The following GSE1 variants were observed in gnomAD, a reference collection of about 807,000 sequenced individuals.
GSE1 encodes the protein genetic suppressor element 1.
GSE1 carries 32 observed loss-of-function variants against 112.6 expected under a neutral mutation model. The observed-to-expected ratio is 0.28, with a 90% CI of 0.21 to 0.38. The LOEUF (loss-of-function observed/expected upper bound fraction) is 0.38, where lower values mean the gene tolerates loss of function less well. Ranked by LOEUF, GSE1 falls within the 10% of genes least tolerant of loss-of-function variation. The pLI, the probability that GSE1 is intolerant of heterozygous loss-of-function variation, is 1.00. For synonymous variants in GSE1, 1,115 were observed against 735.6 expected (o/e 1.52, Z -8.35); for missense variants, 2,348 against 1,699.2 (o/e 1.38, Z -6.71).
chr16:85,525,650 G>A (rs542687163), intron 2 of GSE1, among the ~76,000 whole-genome samples: 23 of 152,312 alleles, frequency 1.5e-4, no homozygotes, highest in African/African-American at 5.3e-4. Flanking sequence ...CGCCTTTAGG[G>A]GGCTCCATTT....
At chr16:85,642,953 T>G (rs2151829412) in intron 2 of GSE1, among the ~76,000 whole-genome samples, 1 of 152,280 alleles carries the variant, frequency 6.6e-6, no homozygotes, top group East Asian at 1.9e-4. Flanking sequence ...AGAGTGGTCC[T>G]GTGGCGTGGC....
intron 1 of GSE1, among the ~76,000 whole-genome samples, chr16:85,240,203 C>G (rs1905062788): frequency 6.6e-6 from 1 of 152,258 alleles, no homozygotes; most frequent in Admixed American, 6.5e-5. Context: ...GCCGTTGTCA[C>G]TGTTCTGATG....
At chr16:85,589,844 A>G (rs1194353037) in intron 1 of GSE1, among the ~76,000 whole-genome samples, 5 of 151,838 alleles carry the variant, frequency 3.3e-5, no homozygotes, top group Non-Finnish European at 5.9e-5. Context: ...GTGTGTGAAC[A>G]TGTGTGAGAT....
chr16:85,318,416 A>C (rs573082570), intron 1 of GSE1, among the ~76,000 whole-genome samples: 1 of 152,272 alleles, frequency 6.6e-6, no homozygotes, highest in African/African-American at 2.4e-5. Context: ...GGCATGCACC[A>C]CTATGCCTGG....
rs115913819 is a variant in GSE1, at chr16:85,366,827, G to T, written c.2464+9184G>T. Among the ~76,000 whole-genome samples, 128 of 152,374 alleles carry T rather than the reference G, an allele frequency of 8.4e-4. 1 individual carries two copies. Among genetic ancestry groups the T allele is most frequent in the African/African-American group, 2.8e-3 (117 of 41,584 alleles). ...GCAGATCTTTATAACTGGCAAAATTGCTGTTAAGAGGGTCTGTTTACCCTA... is the reference window on the plus strand; with the variant it reads ...GCAGATCTTTATAACTGGCAAAATTTCTGTTAAGAGGGTCTGTTTACCCTA... On this transcript the variant is annotated intron_variant, in intron 2 of 2. Coordinates refer to the GSE1 transcript ENST00000637419.
intron 1 of GSE1, among the ~76,000 whole-genome samples, chr16:85,197,853 C>T (rs767347639): frequency 5.9e-5 from 9 of 152,178 alleles, no homozygotes; most frequent in East Asian, 1.9e-4. Context: ...CGGGTAGCAC[C>T]GCCAGCCCAG....
chr16:85,571,419 C>T lies in GSE1; in HGVS notation c.37+15056C>T, dbSNP rs571939604. ...ATCTTGAGCCCCCAACAGCCACGTG[C>T]GGATGGAGGCTGCTCAGTCGGACAG... On this transcript the variant is annotated intron_variant, in intron 1 of 2. Transcript: ENST00000635906. Among the ~76,000 whole-genome samples the T allele has an allele frequency of 3.9e-5, 6 of 152,370 alleles. No homozygotes were observed. In the South Asian group the frequency reaches 1.0e-3, roughly 26 times the overall value.
At chr16:85,488,310 A>G (rs2050905788) in intron 2 of GSE1, among the ~76,000 whole-genome samples, 1 of 152,130 alleles carries the variant, frequency 6.6e-6, no homozygotes, top group African/African-American at 2.4e-5. Flanking sequence ...GCCTCCGTTT[A>G]TTAAGCTCCT....
At chr16:85,576,163 G>T (rs2046220946) in intron 1 of GSE1, among the ~76,000 whole-genome samples, 1 of 152,184 alleles carries the variant, frequency 6.6e-6, no homozygotes, top group South Asian at 2.1e-4. Flanking sequence ...TAACCCTGGA[G>T]CTAAGGTTGT....
At position 85,304,513 on chromosome 16, in the gene GSE1, G is replaced by A. The variant is rs572770895; in HGVS notation, c.2284-52950G>A. Among the ~76,000 whole-genome samples, 7 of 149,242 alleles carry A rather than the reference G, an allele frequency of 4.7e-5. No homozygotes were observed. In the South Asian group the frequency reaches 1.5e-3, roughly 31 times the overall value. Reference sequence around the variant, plus strand: ...GAGCTCAGGCTCTCCCATGCCAGGAGAAGCACCCAACGTGTAGCTTCAGAA... The same window carrying A: ...GAGCTCAGGCTCTCCCATGCCAGGAAAAGCACCCAACGTGTAGCTTCAGAA... On this transcript the variant is annotated intron_variant, in intron 1 of 2. Coordinates refer to the GSE1 transcript ENST00000637419.
At chr16:85,225,412 G>C (rs1234431847) in intron 1 of GSE1, among the ~76,000 whole-genome samples, 1 of 152,200 alleles carries the variant, frequency 6.6e-6, no homozygotes, top group African/African-American at 2.4e-5. Context: ...GGGAAGAGCA[G>C]GAGGCCAGCA....
chr16:85,510,658 C>T (rs2051711852), intron 2 of GSE1, among the ~76,000 whole-genome samples: 1 of 152,250 alleles, frequency 6.6e-6, no homozygotes, highest in Non-Finnish European at 1.5e-5. Context: ...GTGCACGTAG[C>T]TTTGGCCTTG....
intron 1 of GSE1, among the ~76,000 whole-genome samples, chr16:85,569,167 C>T (rs1351173663): frequency 5.9e-5 from 9 of 152,240 alleles, no homozygotes; most frequent in Admixed American, 2.0e-4. Flanking sequence ...ACACTCTAGC[C>T]TGCCCTTCTC....
At chr16:85,481,855 A>G (rs978885043) in intron 2 of GSE1, among the ~76,000 whole-genome samples, 14 of 152,194 alleles carry the variant, frequency 9.2e-5, no homozygotes, top group African/African-American at 3.4e-4. Flanking sequence ...GATGTACCTA[A>G]AAGGTCACAC....
chr16:85,630,083 A>G (rs566784422), intron 1 of GSE1, among the ~76,000 whole-genome samples: 16 of 152,314 alleles, frequency 1.1e-4, no homozygotes, highest in African/African-American at 3.8e-4. Context: ...GTGGCTTCTC[A>G]CATGGCTGTT....
chr16:85,654,491 G>T (rs781764310), intron 4 of GSE1, 41 bp downstream of exon 4: 4 of 1,511,272 alleles, frequency 2.6e-6, no homozygotes, highest in East Asian at 4.5e-5. Flanking sequence ...TGGCCAGGTG[G>T]GGACACAGTG....
At chr16:85,488,525 A>G (rs1306068464) in intron 2 of GSE1, among the ~76,000 whole-genome samples, 3 of 151,854 alleles carry the variant, frequency 2.0e-5, no homozygotes, top group African/African-American at 7.3e-5. Flanking sequence ...TGTTCCTGCC[A>G]GGTACTGAAC....
At chr16:85,510,896 C>T (rs974900353) in intron 2 of GSE1, among the ~76,000 whole-genome samples, 1 of 152,216 alleles carries the variant, frequency 6.6e-6, no homozygotes, top group Non-Finnish European at 1.5e-5. Flanking sequence ...CTCATGCTCC[C>T]GGCTCCTCCT....
intron 2 of GSE1, among the ~76,000 whole-genome samples, chr16:85,529,527 C>G (rs1469975353): frequency 2.0e-5 from 3 of 152,228 alleles, no homozygotes; most frequent in African/African-American, 7.2e-5. Context: ...CCCCTTGGCA[C>G]CTGTTGGGGG....
Sources: allele counts gnomAD v4.1 joint callset (sites outside exome capture counted in the v4.1 genomes callset), GRCh38; gene constraint gnomAD v4.1.1; transcripts MANE v1.5; gene names NCBI Gene and HGNC (gene_info 2026-07-23, HGNC 2026-07-21).